H2BC4: variants seen among roughly 807,000 people sequenced by gnomAD.
The protein encoded by H2BC4 is H2B clustered histone 4, also known as histone H2B type 1-C/E/F/G/I.
A neutral mutation model predicts 6.2 loss-of-function variants in H2BC4; 10 were observed. The observed-to-expected ratio is 1.61, with a 90% CI of 0.99 to 2.73. The LOEUF (loss-of-function observed/expected upper bound fraction) is 2.73, where lower values mean the gene tolerates loss of function less well. H2BC4 is among the 30% of genes most tolerant of loss of function. H2BC4 has a pLI of 0.00. For synonymous variants in H2BC4, 146 were observed against 70.7 expected, an observed-to-expected ratio of 2.07 and a Z score of -5.35; for missense variants, 176 against 168.7, an observed-to-expected ratio of 1.04 and a Z score of -0.24.
downstream of H2BC4, chr6:26,114,816 G>A (rs1403145787): frequency 1.3e-5 from 2 of 151,722 alleles, no homozygotes; most frequent in Non-Finnish European, 2.9e-5. Flanking sequence ...GATACATGAT[G>A]TGAGATATAT....
At chr6:26,117,139 T>C (rs1426073866) in intron 1 of H2BC4, among the ~76,000 whole-genome samples, 1 of 152,190 alleles carries the variant, frequency 6.6e-6, no homozygotes, top group East Asian at 1.9e-4. Flanking sequence ...CTCAACCTGT[T>C]GGACCCCGGT....
chr6:26,121,515 A>G (rs976115285), downstream of H2BC4, among the ~76,000 whole-genome samples: 1 of 152,238 alleles, frequency 6.6e-6, no homozygotes, highest in Non-Finnish European at 1.5e-5. Context: ...ATTCAGAAAT[A>G]AATGACCAAG....
intron 1 of H2BC4, among the ~76,000 whole-genome samples, chr6:26,116,903 T>C (rs1468417988): frequency 1.3e-5 from 2 of 152,222 alleles, no homozygotes; most frequent in African/African-American, 4.8e-5. Flanking sequence ...AATTTAATTT[T>C]ATGCTTGGTC....
At chr6:26,116,341 T>A (rs1763419350) in intron 1 of H2BC4, among the ~76,000 whole-genome samples, 1 of 152,200 alleles carries the variant, frequency 6.6e-6, no homozygotes, top group African/African-American at 2.4e-5. Context: ...TAAGGTTACA[T>A]GAATCTTTAA....
At position 26,123,478 on chromosome 6, in the gene H2BC4, T is replaced by C. The variant is rs775702965; in HGVS notation, c.*46A>G. The C allele has an allele frequency of 6.2e-7, 1 of 1,611,362 alleles. No homozygotes were observed. On this transcript the variant is annotated 3_prime_UTR_variant, in exon 1 of 1. Coordinates refer to ENST00000396984, the MANE Select transcript of H2BC4 (RefSeq NM_003526.3). ...TTTTAGTGGGTATCTGGGTGGCTCT[T>C]AAAAGAGCCTTTGGGGTTAGGTGTT...
intron 1 of H2BC4, among the ~76,000 whole-genome samples, chr6:26,115,566 T>C (rs1226063726): frequency 6.6e-6 from 1 of 152,170 alleles, no homozygotes; most frequent in Non-Finnish European, 1.5e-5. Context: ...TTAGTGTTTT[T>C]CATAAAGAAG....
chr6:26,123,243 G>C (rs1470052097), downstream of H2BC4: 1 of 500,590 alleles, frequency 2.0e-6, no homozygotes. Context: ...TTTCTTCCGG[G>C]AACGCCGAGT....
At chr6:26,123,181 G>C (rs998298967), downstream of H2BC4, among the ~76,000 whole-genome samples, 3 of 152,214 alleles carry the variant, frequency 2.0e-5, no homozygotes, top group Middle Eastern at 3.2e-3. Flanking sequence ...GTTGATCCTG[G>C]CGACGTAGAC....
downstream of H2BC4, chr6:26,123,370 A>G: frequency 7.5e-7 from 1 of 1,332,912 alleles, no homozygotes; most frequent in Non-Finnish European, 1.0e-6. Context: ...TCTAAGCTGC[A>G]ACACTTGTCC....
At chr6:26,123,065 T>C (rs1763527413), downstream of H2BC4, among the ~76,000 whole-genome samples, 3 of 152,182 alleles carry the variant, frequency 2.0e-5, no homozygotes, top group Admixed American at 2.0e-4. Flanking sequence ...GTCCGCTATG[T>C]AAATCAGAGT....
downstream of H2BC4, among the ~76,000 whole-genome samples, chr6:26,122,717 C>G (rs1243852466): frequency 2.0e-5 from 3 of 152,208 alleles, no homozygotes; most frequent in Admixed American, 6.5e-5. Context: ...CTGCATGTTA[C>G]AAGCCCCCTA....
chr6:26,123,459 T>C, downstream of H2BC4: 1 of 1,588,804 alleles, frequency 6.3e-7, no homozygotes, highest in Non-Finnish European at 8.5e-7. Context: ...GCTCTTTTAG[T>C]GGGTATCTGG....
At chr6:26,123,395 T>C, downstream of H2BC4, 1 of 1,457,242 alleles carries the variant, frequency 6.9e-7, no homozygotes, top group Non-Finnish European at 9.2e-7. Flanking sequence ...CCCTCTCCAG[T>C]TCCTATATTC....
downstream of H2BC4, chr6:26,123,464 A>G: frequency 6.2e-7 from 1 of 1,606,068 alleles, no homozygotes; most frequent in Non-Finnish European, 8.5e-7. Context: ...TTTAGTGGGT[A>G]TCTGGGTGGC....
chr6:26,120,394 A>G (rs2113796449), downstream of H2BC4, among the ~76,000 whole-genome samples: 1 of 152,138 alleles, frequency 6.6e-6, no homozygotes, highest in African/African-American at 2.4e-5. Flanking sequence ...GGTTGCAGTG[A>G]GCCGAGATTG....
chr6:26,118,665 A>G (rs198829), downstream of H2BC4, among the ~76,000 whole-genome samples: 69,955 of 152,006 alleles, frequency 0.46, 16,928 homozygotes, highest in Non-Finnish European at 0.54. Context: ...TTCAGACCTC[A>G]TCTTCCTCTG....
At chr6:26,120,790 C>T (rs1763487725), downstream of H2BC4, among the ~76,000 whole-genome samples, 1 of 152,044 alleles carries the variant, frequency 6.6e-6, no homozygotes, top group Non-Finnish European at 1.5e-5. Flanking sequence ...CTCAATAGTC[C>T]AATTTGTAAC....
chr6:26,117,818 GATGTT>G (rs544146298), intron 1 of H2BC4, among the ~76,000 whole-genome samples: 35 of 152,154 alleles, frequency 2.3e-4, no homozygotes, highest in Non-Finnish European at 4.7e-4. Context: ...CTAGGAATAG[GATGTT>G]ATGTTTGCAC....
chr6:26,114,484 T>C (rs1763395401), downstream of H2BC4, among the ~76,000 whole-genome samples: 1 of 152,142 alleles, frequency 6.6e-6, no homozygotes, highest in Non-Finnish European at 1.5e-5. Context: ...CCATATTATT[T>C]TGGGATTATA....
Sources: allele counts gnomAD v4.1 joint callset (sites outside exome capture counted in the v4.1 genomes callset), GRCh38; gene constraint gnomAD v4.1.1; transcripts MANE v1.5; gene names NCBI Gene and HGNC (gene_info 2026-07-23, HGNC 2026-07-21).